Variants in MTFMT observed in about 807,000 individuals in gnomAD.
MTFMT encodes mitochondrial methionyl-tRNA formyltransferase, also known as methionyl-tRNA formyltransferase, mitochondrial.
In MTFMT, 47 loss-of-function variants were observed where a neutral mutation model predicts 51.8. That is an observed-to-expected ratio of 0.91 (90% CI 0.72 to 1.16). The LOEUF is 1.16. Among genes scored for constraint, MTFMT ranks in the 50% most tolerant of loss-of-function variants. MTFMT has a pLI of 0.00. For synonymous variants in MTFMT, 196 were observed against 176.7 expected (o/e 1.11, Z -0.87); for missense variants, 512 against 482.3 (o/e 1.06, Z -0.58).
chr15:65,017,576 C>T (rs181156994), intron 5 of MTFMT, among the ~76,000 whole-genome samples: 5 of 152,220 alleles, frequency 3.3e-5, no homozygotes, highest in Admixed American at 1.3e-4. Context: ...GGCAGGAGGA[C>T]GGCTTGAGTC....
At chr15:65,029,342 G>A in intron 1 of MTFMT, 63 bp downstream of exon 1, 3 of 1,347,480 alleles carry the variant, frequency 2.2e-6, no homozygotes, top group Non-Finnish European at 1.9e-6. Flanking sequence ...CCTCGGGGCC[G>A]GCCGCCCGGG....
At chr15:65,022,427 G>A (rs1019592986) in intron 3 of MTFMT, among the ~76,000 whole-genome samples, 2 of 151,606 alleles carry the variant, frequency 1.3e-5, no homozygotes, top group South Asian at 2.1e-4. Context: ...CATTCCAGCC[G>A]GGGTGACAGA....
At chr15:65,004,996 G>T in intron 7 of MTFMT, 60 bp from the exon 8 acceptor site, 1 of 1,187,866 alleles carries the variant, frequency 8.4e-7, no homozygotes, top group Non-Finnish European at 1.2e-6. Flanking sequence ...CAACTTCATA[G>T]TACTTCTTAA....
chr15:65,003,845 C>CAAAAAAA (rs768884218), intron 8 of MTFMT, among the ~76,000 whole-genome samples: 5 of 40,642 alleles, frequency 1.2e-4, no homozygotes, highest in South Asian at 1.3e-3. Context: ...AACTCCATCT[C>CAAAAAAA]AAAAAAAAAA....
intron 5 of MTFMT, among the ~76,000 whole-genome samples, chr15:65,019,164 AC>A (rs1455102389): frequency 1.3e-5 from 2 of 152,192 alleles, no homozygotes; most frequent in African/African-American, 4.8e-5. Context: ...AAAAGGGAAA[AC>A]ACATCTTAAC....
At chr15:65,020,949 G>A (rs1206525246) in intron 4 of MTFMT, among the ~76,000 whole-genome samples, 2 of 152,116 alleles carry the variant, frequency 1.3e-5, no homozygotes, top group South Asian at 2.1e-4. Context: ...CTCTACAGGT[G>A]GGAAAAAAAT....
intron 7 of MTFMT, among the ~76,000 whole-genome samples, chr15:65,005,345 C>T (rs1293542899): frequency 6.6e-6 from 1 of 152,194 alleles, no homozygotes; most frequent in Non-Finnish European, 1.5e-5. Context: ...CTAAATTAAA[C>T]CAGCTTCCTC....
At chr15:65,012,889 C>A (rs72744633) in intron 6 of MTFMT, among the ~76,000 whole-genome samples, 2,531 of 152,176 alleles carry the variant, frequency 0.017, 29 homozygotes, top group Admixed American at 0.024. Flanking sequence ...TACAAAGAAG[C>A]CAATTGGGAT....
chr15:65,026,699 A>G (rs1263873124), intron 2 of MTFMT, 132 bp downstream of exon 2: 4 of 790,434 alleles, frequency 5.1e-6, no homozygotes, highest in Non-Finnish European at 7.8e-6. Context: ...ATGTACAGAA[A>G]AATAAAATGG....
At chr15:65,010,123 A>C (rs1161995703) in intron 6 of MTFMT, among the ~76,000 whole-genome samples, 3 of 152,174 alleles carry the variant, frequency 2.0e-5, no homozygotes, top group Non-Finnish European at 2.9e-5. Context: ...GCTATGCTCC[A>C]GCCACACCAG....
At chr15:65,015,377 A>G (rs1390041803) in intron 6 of MTFMT, among the ~76,000 whole-genome samples, 1 of 152,204 alleles carries the variant, frequency 6.6e-6, no homozygotes, top group African/African-American at 2.4e-5. Flanking sequence ...ACTTAATAAC[A>G]ATTCATTATC....
intron 5 of MTFMT, among the ~76,000 whole-genome samples, chr15:65,019,771 G>A (rs138968252): frequency 3.0e-4 from 46 of 152,240 alleles, no homozygotes; most frequent in Middle Eastern, 3.4e-3. Context: ...AACATTGGAT[G>A]CTATCAGGAA....
intron 6 of MTFMT, among the ~76,000 whole-genome samples, chr15:65,009,210 C>G (rs2086242511): frequency 6.6e-6 from 1 of 152,150 alleles, no homozygotes; most frequent in South Asian, 2.1e-4. Context: ...TAGCACAAAG[C>G]TTTTCTCCAT....
chr15:65,006,685 G>A (rs1052748206), intron 6 of MTFMT, among the ~76,000 whole-genome samples: 2 of 151,968 alleles, frequency 1.3e-5, no homozygotes, highest in African/African-American at 4.8e-5. Context: ...CGATTTATAA[G>A]ATCTTAAATG....
intron 3 of MTFMT, 76 bp from the exon 4 acceptor site, chr15:65,021,692 T>C (rs1266367347): frequency 8.3e-7 from 1 of 1,206,762 alleles, no homozygotes; most frequent in East Asian, 2.4e-5. Flanking sequence ...CACAAAAAGA[T>C]ACAAGCTGGG....
In MTFMT at chr15:65,016,906, G is replaced by A. The variant is rs988998172; in HGVS notation, c.722-379C>T. ...AGAGATTCTTGTGCCTCAGCCTCCC[G>A]AGTAGCTGGGACTACAAGCGTGCAC... On this transcript the variant is annotated intron_variant, in intron 5 of 8. Coordinates refer to ENST00000220058, the MANE Select transcript of MTFMT (RefSeq NM_139242.4). Among the ~76,000 whole-genome samples, 9 of 150,266 alleles carry A rather than the reference G, an allele frequency of 6.0e-5. No homozygotes were observed. In the East Asian group the frequency reaches 7.8e-4, roughly 13 times the overall value.
intron 2 of MTFMT, among the ~76,000 whole-genome samples, chr15:65,024,890 A>C (rs988195413): frequency 6.6e-6 from 1 of 152,236 alleles, no homozygotes; most frequent in Non-Finnish European, 1.5e-5. Flanking sequence ...CACTTGAACA[A>C]GAACATGAAG....
At chr15:65,006,500 C>T (rs2086220813) in intron 6 of MTFMT, among the ~76,000 whole-genome samples, 1 of 151,960 alleles carries the variant, frequency 6.6e-6, no homozygotes, top group South Asian at 2.1e-4. Flanking sequence ...CTTCAGCCTC[C>T]CGAGTAGCTG....
intron 6 of MTFMT, among the ~76,000 whole-genome samples, chr15:65,013,763 GTGAAACC>G (rs560916070): frequency 8.9e-4 from 135 of 152,066 alleles, no homozygotes; most frequent in African/African-American, 3.2e-3. Context: ...GGCCAACATG[GTGAAACC>G]CCATCTCTAC....
Sources: allele counts gnomAD v4.1 joint callset (sites outside exome capture counted in the v4.1 genomes callset), GRCh38; gene constraint gnomAD v4.1.1; transcripts MANE v1.5; gene names NCBI Gene and HGNC (gene_info 2026-07-23, HGNC 2026-07-21).